GLIS3: variants seen among roughly 807,000 people sequenced by gnomAD.
GLIS3 encodes zinc finger protein GLIS3.
Under a neutral mutation model 78.6 loss-of-function variants are expected in GLIS3, and 53 were observed. The ratio of observed to expected loss-of-function variants is 0.67; its 90% CI spans 0.54 to 0.85. The LOEUF (loss-of-function observed/expected upper bound fraction) is 0.85, where lower values mean the gene tolerates loss of function less well. Among genes scored for constraint, GLIS3 ranks in the 40% least tolerant of loss-of-function variants. The probability of loss-of-function intolerance (pLI) is 0.00; values close to 1 mark genes in which losing one functional copy is unlikely to be tolerated. For synonymous variants in GLIS3, 684 were observed against 509.9 expected (o/e 1.34, Z -4.60); for missense variants, 1,703 against 1,231.1 (o/e 1.38, Z -5.74).
chr9:4,405,278 C>G, the GLIS3 span, among the ~76,000 whole-genome samples: 1 of 151,658 alleles, frequency 6.6e-6, no homozygotes, highest in Non-Finnish European at 1.5e-5. Context: ...CACTTGAACC[C>G]AGGCGGCAGA....
Position 4,043,449 on chromosome 9 carries a change from A to G in GLIS3, c.1710+74319T>C, listed in dbSNP as rs539991867. Among the ~76,000 whole-genome samples the G allele has an allele frequency of 8.7e-4, 133 of 152,220 alleles. 2 individuals are homozygous for G. Among genetic ancestry groups the G allele is most frequent in the African/African-American group, 3.1e-3 (129 of 41,542 alleles). On this transcript the variant is annotated intron_variant, in intron 4 of 10. Transcript: ENST00000381971. ...GTGGTAGGATTCCCAGGAGATAATC[A>G]GGTACGGCTGGTTTGGGGTGACTGG...
At chr9:4,301,885 G>A (rs1428295257), upstream of GLIS3, among the ~76,000 whole-genome samples, 1 of 152,124 alleles carries the variant, frequency 6.6e-6, no homozygotes, top group Admixed American at 6.5e-5. Flanking sequence ...ATTTATAAGA[G>A]CCCAAGAGTG....
At chr9:4,152,244 C>T (rs916919155) in intron 2 of GLIS3, 1 of 339,586 alleles carries the variant, frequency 2.9e-6, no homozygotes, top group African/African-American at 2.2e-5. Flanking sequence ...TGACTGGGAA[C>T]CTTTGTGAGG....
intron 2 of GLIS3, among the ~76,000 whole-genome samples, chr9:4,214,795 G>A (rs897947040): frequency 4.6e-5 from 7 of 152,186 alleles, no homozygotes; most frequent in African/African-American, 1.4e-4. Context: ...AAATTGCGTA[G>A]CTGGGAAACA....
intron 1 of GLIS3, among the ~76,000 whole-genome samples, chr9:4,289,511 G>A (rs1210526557): frequency 6.6e-6 from 1 of 152,016 alleles, no homozygotes; most frequent in Non-Finnish European, 1.5e-5. Context: ...TTGCCAAAAA[G>A]GTAAAATCAC....
At chr9:4,053,757 A>G (rs1825918264) in intron 4 of GLIS3, among the ~76,000 whole-genome samples, 1 of 151,262 alleles carries the variant, frequency 6.6e-6, no homozygotes, top group Non-Finnish European at 1.5e-5. Flanking sequence ...AGCCACATGA[A>G]GAGAAAGGAA....
intron 2 of GLIS3, among the ~76,000 whole-genome samples, chr9:4,227,353 G>A (rs1415530613): frequency 7.3e-5 from 11 of 150,676 alleles, no homozygotes; most frequent in Admixed American, 5.3e-4. Flanking sequence ...CACAATGATA[G>A]CCTTGAAAGG....
chr9:4,131,295 T>C (rs1362323083), intron 2 of GLIS3, among the ~76,000 whole-genome samples: 2 of 152,196 alleles, frequency 1.3e-5, no homozygotes, highest in African/African-American at 2.4e-5. Flanking sequence ...CTTTGGAGAC[T>C]GTTGAGATGG....
the GLIS3 span, among the ~76,000 whole-genome samples, chr9:4,428,124 T>C: frequency 6.6e-6 from 1 of 151,980 alleles, no homozygotes; most frequent in African/African-American, 2.4e-5. Flanking sequence ...GAGTTTCAGG[T>C]GGCAATATGG....
At chr9:3,936,985 C>G in intron 5 of GLIS3, 43 bp downstream of exon 5, 2 of 1,611,450 alleles carry the variant, frequency 1.2e-6, no homozygotes, top group Non-Finnish European at 1.7e-6. Flanking sequence ...CTTCCTCACA[C>G]CAGGCGCTGG....
intron 2 of GLIS3, among the ~76,000 whole-genome samples, chr9:4,218,718 A>G (rs910538546): frequency 6.6e-6 from 1 of 152,146 alleles, no homozygotes; most frequent in African/African-American, 2.4e-5. Context: ...ATTAATTTTG[A>G]ATTAAATTTA....
intron 4 of GLIS3, among the ~76,000 whole-genome samples, chr9:4,019,505 C>T (rs1822701831): frequency 6.6e-6 from 1 of 152,174 alleles, no homozygotes; most frequent in South Asian, 2.1e-4. Flanking sequence ...GCCACTTGCA[C>T]TGTCAGTGAA....
intron 4 of GLIS3, among the ~76,000 whole-genome samples, chr9:3,942,418 G>T (rs796387476): frequency 1.8e-4 from 28 of 152,236 alleles, no homozygotes; most frequent in Middle Eastern, 6.8e-3. Flanking sequence ...GAGAAGAAAG[G>T]CATGGGCGGG....
intron 2 of GLIS3, among the ~76,000 whole-genome samples, chr9:4,326,609 C>G (rs1224023223): frequency 6.6e-6 from 1 of 151,930 alleles, no homozygotes; most frequent in Non-Finnish European, 1.5e-5. Context: ...TGCTGGAGAG[C>G]GGATGGTGGT....
At chr9:3,984,120 G>C (rs1456934895) in intron 4 of GLIS3, among the ~76,000 whole-genome samples, 1 of 152,170 alleles carries the variant, frequency 6.6e-6, no homozygotes, top group East Asian at 1.9e-4. Flanking sequence ...GTGCAGAAGG[G>C]AAAGGTGATG....
At chr9:3,924,933 T>C (rs1825123308) in intron 6 of GLIS3, among the ~76,000 whole-genome samples, 1 of 152,130 alleles carries the variant, frequency 6.6e-6, no homozygotes, top group Non-Finnish European at 1.5e-5. Context: ...AAAACAATTA[T>C]CTAGGAACTC....
chr9:3,910,977 C>G (rs1019612553), intron 6 of GLIS3, among the ~76,000 whole-genome samples: 9 of 152,146 alleles, frequency 5.9e-5, no homozygotes, highest in African/African-American at 1.9e-4. Flanking sequence ...ACAGAGTTAA[C>G]CAGCTGTCTG....
At chr9:4,426,055 C>G in the GLIS3 span, among the ~76,000 whole-genome samples, 1 of 152,188 alleles carries the variant, frequency 6.6e-6, no homozygotes, top group Non-Finnish European at 1.5e-5. Context: ...TCATGCAATG[C>G]AAAACTTGGC....
Position 3,860,786 on chromosome 9 carries a change from T to C in GLIS3, c.2298-4602A>G, listed in dbSNP as rs910427520. On this transcript the variant is annotated intron_variant, in intron 8 of 10. Coordinates refer to ENST00000381971, the MANE Select transcript of GLIS3 (RefSeq NM_001042413.2). ...CTTTCACTGAAGGTTCTAAAGTCCA[T>C]GGTGACATTTATTCATTCAAGGGGT... Among the ~76,000 whole-genome samples, 3 of 152,324 alleles carry C rather than the reference T, an allele frequency of 2.0e-5. No individual in the cohort carries two copies. In the East Asian group the frequency reaches 5.8e-4, roughly 29 times the overall value.
Sources: allele counts gnomAD v4.1 joint callset (sites outside exome capture counted in the v4.1 genomes callset), GRCh38; gene constraint gnomAD v4.1.1; transcripts MANE v1.5; gene names NCBI Gene and HGNC (gene_info 2026-07-23, HGNC 2026-07-21).